Variants in CCDC93 observed in about 807,000 individuals in gnomAD.
CCDC93 encodes coiled-coil domain-containing protein 93.
A neutral mutation model predicts 108.2 loss-of-function variants in CCDC93; 61 were observed. The ratio of observed to expected loss-of-function variants is 0.56; its 90% confidence interval spans 0.46 to 0.70. The LOEUF (loss-of-function observed/expected upper bound fraction) is 0.70. CCDC93 is among the 30% of genes least tolerant of loss of function. CCDC93 has a pLI of 0.00. For synonymous variants in CCDC93, 276 were observed against 260.4 expected (o/e 1.06, Z -0.58); for missense variants, 685 against 764.2 (o/e 0.90, Z 1.22).
At chr2:117,992,923 C>T (rs1268682607) in intron 6 of CCDC93, among the ~76,000 whole-genome samples, 2 of 151,492 alleles carry the variant, frequency 1.3e-5, no homozygotes, top group Non-Finnish European at 2.9e-5. Flanking sequence ...AAATAATGTG[C>T]CTCTAGGGGC....
intron 11 of CCDC93, among the ~76,000 whole-genome samples, chr2:117,972,892 C>T (rs1679808880): frequency 6.6e-6 from 1 of 152,156 alleles, no homozygotes; most frequent in African/African-American, 2.4e-5. Flanking sequence ...TGAGATTGGA[C>T]TAGAAAGCCC....
rs964968969 is a variant in CCDC93, at chr2:117,918,290, A to G, written c.*2053T>C. 2 of 151,972 alleles carry G rather than the reference A, an allele frequency of 1.3e-5. No individual in the cohort carries two copies. Among genetic ancestry groups the G allele is most frequent in the African/African-American group, 4.8e-5 (2 of 41,374 alleles). The allele number at this position is 151,972 out of a possible 1,614,324, so 9.4% of individuals were successfully genotyped here. On this transcript the variant is annotated 3_prime_UTR_variant, in exon 24 of 24. Transcript: ENST00000376300. ...AAGTGTATTCAGGCAACAAAAACTG[A>G]TTTATCCGTAGTAGGCCTTGTCGAT...
At chr2:117,997,050 T>C (rs1680677145) in intron 4 of CCDC93, 1 of 151,910 alleles carries the variant, frequency 6.6e-6, no homozygotes, top group Non-Finnish European at 1.5e-5. Context: ...GATCCATAGC[T>C]AGCCAGCTGC....
intron 23 of CCDC93, among the ~76,000 whole-genome samples, chr2:117,924,861 A>C (rs978522349): frequency 6.6e-6 from 1 of 152,218 alleles, no homozygotes; most frequent in Non-Finnish European, 1.5e-5. Context: ...AAAAAATGTT[A>C]AGGGCAGACA....
At chr2:117,957,011 C>T (rs533467958) in intron 12 of CCDC93, among the ~76,000 whole-genome samples, 51 of 152,150 alleles carry the variant, frequency 3.4e-4, no homozygotes, top group African/African-American at 1.2e-3. Flanking sequence ...CTGCCTCAGC[C>T]TCCTGAGTAG....
intron 6 of CCDC93, among the ~76,000 whole-genome samples, chr2:117,994,106 A>G (rs1429301766): frequency 6.6e-6 from 1 of 152,250 alleles, no homozygotes; most frequent in Admixed American, 6.5e-5. Flanking sequence ...TCTTTAAAGT[A>G]TGATTCCAAT....
At position 117,916,451 on chromosome 2, in the gene CCDC93, A is replaced by C. The variant is rs1252077283; in HGVS notation, c.*3892T>G. 6.6e-6 allele frequency: 1 copy of C among 152,248 alleles called. No homozygotes were observed. Among genetic ancestry groups the C allele is most frequent in the East Asian group, 1.9e-4 (1 of 5,194 alleles). The allele number at this position is 152,248 out of a possible 1,614,324, so 9.4% of individuals were successfully genotyped here. On this transcript the variant is annotated 3_prime_UTR_variant, in exon 24 of 24. Transcript: ENST00000376300. Reference sequence around the variant, plus strand: ...ACATACTCTGAGAGAGACCCTCTAAAGTTGTGAAAACTGTTCTCAAACTAA... The same window carrying C: ...ACATACTCTGAGAGAGACCCTCTAACGTTGTGAAAACTGTTCTCAAACTAA...
intron 23 of CCDC93, among the ~76,000 whole-genome samples, chr2:117,926,521 G>T (rs905070022): frequency 2.0e-5 from 3 of 152,208 alleles, no homozygotes; most frequent in African/African-American, 4.8e-5. Context: ...AAATCTAGAA[G>T]AAATGGATAA....
chr2:118,009,578 A>T (rs1406744017), intron 1 of CCDC93, among the ~76,000 whole-genome samples: 1 of 152,212 alleles, frequency 6.6e-6, no homozygotes, highest in African/African-American at 2.4e-5. Context: ...AGGCTGAGGC[A>T]CGAGAATCAC....
chr2:117,918,189 A>G lies in CCDC93; in HGVS notation c.*2154T>C, dbSNP rs1232571538. 1.3e-5 allele frequency: 2 copies of G among 152,186 alleles called. No homozygotes were observed. The highest frequency in any genetic ancestry group is 1.9e-4 in the East Asian group (1 of 5,194). The allele number at this position is 152,186 out of a possible 1,614,324, so 9.4% of individuals were successfully genotyped here. ...CATGTAACATCCTAATTACTCAGAA[A>G]GGCACTGTCCACACTGAGAGTTGTC... On this transcript the variant is annotated 3_prime_UTR_variant, in exon 24 of 24. Coordinates refer to ENST00000376300, the MANE Select transcript of CCDC93 (RefSeq NM_019044.5).
chr2:117,990,374 T>G lies in CCDC93; in HGVS notation c.520-4305A>C, dbSNP rs76484370. On this transcript the variant is annotated intron_variant, in intron 6 of 23. Coordinates refer to ENST00000376300, the MANE Select transcript of CCDC93 (RefSeq NM_019044.5). ...AGATAGGGAGAAGAAAGTAATGCAC[T>G]TCAAAGAAGAAAGCAGGTACTGGGA... Among the ~76,000 whole-genome samples the G allele has an allele frequency of 5.9e-4, 90 of 152,316 alleles. 1 individual carries two copies. In the East Asian group the frequency reaches 0.016, roughly 27 times the overall value.
chr2:117,993,018 C>A (rs1403295590), intron 6 of CCDC93, among the ~76,000 whole-genome samples: 4 of 152,082 alleles, frequency 2.6e-5, no homozygotes, highest in South Asian at 4.1e-4. Flanking sequence ...TGCTCTATGG[C>A]CGAAAACTGT....
At position 118,006,777 on chromosome 2, in the gene CCDC93, A is replaced by T. The variant is rs749838435; in HGVS notation, c.196T>A (p.Phe66Ile). 1 of 1,612,426 alleles carries T rather than the reference A, an allele frequency of 6.2e-7. No homozygotes were observed. The highest frequency in any genetic ancestry group is 1.1e-5 in the South Asian group (1 of 91,042). The change falls in exon 3 of 24, where the codon TTT becomes ATT. Residue 66 changes from phenylalanine to isoleucine, a missense_variant. By Grantham distance (21) the Phe-to-Ile change is conservative. Transcript: ENST00000376300. ...GMTWCITTCN[F>I]DVDVDLLFQE... ...AAGAGCAAATCAACATCTACATCAA[A>T]GTTGCAAGTGGTGATACACCAAGTC...
chr2:117,922,115 C>T (rs1047260438), intron 23 of CCDC93, among the ~76,000 whole-genome samples: 8 of 152,042 alleles, frequency 5.3e-5, no homozygotes, highest in African/African-American at 1.9e-4. Flanking sequence ...ATTTCCATAA[C>T]AAAAATATGA....
chr2:117,999,657 C>T (rs1680773822), intron 4 of CCDC93, among the ~76,000 whole-genome samples: 1 of 152,146 alleles, frequency 6.6e-6, no homozygotes, highest in South Asian at 2.1e-4. Context: ...TCCACAGATG[C>T]TCAAGTCCCT....
rs1367106986 is a variant in CCDC93, at chr2:117,931,167, G to C, written c.1729-17C>G. On this transcript the variant is annotated splice_polypyrimidine_tract_variant and intron_variant, in intron 22 of 23. Coordinates refer to ENST00000376300, the MANE Select transcript of CCDC93 (RefSeq NM_019044.5). The stretch of plus-strand genomic sequence containing the variant: ...CTTTTCCATCTGTTGAAACATTGTG[G>C]GAAATGGTGATGAAAAGACATGTTC... The C allele has an allele frequency of 6.3e-7, 1 of 1,589,448 alleles. No homozygotes were observed.
chr2:117,943,345 T>A (rs1340804334), intron 18 of CCDC93, among the ~76,000 whole-genome samples: 1 of 152,254 alleles, frequency 6.6e-6, no homozygotes, highest in Non-Finnish European at 1.5e-5. Flanking sequence ...TATGCAGCTG[T>A]ACTGTCCCGA....
intron 13 of CCDC93, chr2:117,950,342 G>A (rs1436278889): frequency 2.0e-6 from 2 of 985,184 alleles, no homozygotes; most frequent in Non-Finnish European, 2.4e-6. Flanking sequence ...AATGTACTTA[G>A]ACATAAAAGA....
intron 11 of CCDC93, among the ~76,000 whole-genome samples, chr2:117,962,474 C>T (rs372989967): frequency 1.8e-3 from 1 of 556 alleles, no homozygotes; most frequent in Admixed American, 0.062. Flanking sequence ...TGAAACCCTA[C>T]TCTACTAAAA....
Sources: gnomAD v4.1 joint callset for allele counts (sites outside exome capture counted in the v4.1 genomes callset) on GRCh38, gnomAD v4.1.1 for gene constraint, MANE v1.5 for transcripts, NCBI Gene and HGNC (gene_info 2026-07-23, HGNC 2026-07-21) for gene names.